Variants in NELL1 observed in about 807,000 individuals in gnomAD.
NELL1 encodes the protein protein kinase C-binding protein NELL1.
Under a neutral mutation model 107.4 loss-of-function variants are expected in NELL1, and 76 were observed. The ratio of observed to expected loss-of-function variants is 0.71; its 90% CI spans 0.59 to 0.86. The LOEUF (loss-of-function observed/expected upper bound fraction) is 0.86, where lower values mean the gene tolerates loss of function less well. Ranked by LOEUF, NELL1 falls within the 40% of genes least tolerant of loss-of-function variation. The pLI is 0.00. For missense variants in NELL1, 1,024 were observed against 1,005.5 expected (o/e 1.02, Z -0.25); for synonymous variants, 353 against 341.2 (o/e 1.03, Z -0.38).
intron 14 of NELL1, among the ~76,000 whole-genome samples, chr11:21,259,599 C>A (rs1858854325): frequency 6.6e-6 from 1 of 151,744 alleles, no homozygotes; most frequent in Non-Finnish European, 1.5e-5. Flanking sequence ...CCTTGAATGC[C>A]CTACTAAGAA....
intron 13 of NELL1, among the ~76,000 whole-genome samples, chr11:21,225,242 C>A (rs989182178): frequency 3.3e-5 from 5 of 152,100 alleles, no homozygotes; most frequent in Non-Finnish European, 7.4e-5. Flanking sequence ...GCTTCAGCAT[C>A]CTGGATCCAG....
chr11:21,352,928 C>T (rs931864434), intron 14 of NELL1, among the ~76,000 whole-genome samples: 1 of 152,098 alleles, frequency 6.6e-6, no homozygotes. Flanking sequence ...CTGTGCCTGT[C>T]CTTTCTTTGT....
At chr11:20,755,550 G>GTTTTTTTTT (rs1226891368) in intron 2 of NELL1, among the ~76,000 whole-genome samples, 106 of 114,514 alleles carry the variant, frequency 9.3e-4, no homozygotes, top group African/African-American at 4.6e-3. Flanking sequence ...GTTTTTTTTT[G>GTTTTTTTTT]TTTTTGTTTT....
intron 14 of NELL1, among the ~76,000 whole-genome samples, chr11:21,233,344 G>C (rs1351731624): frequency 6.6e-6 from 1 of 152,164 alleles, no homozygotes; most frequent in African/African-American, 2.4e-5. Context: ...AGTTGAATCT[G>C]ATTTAACTCA....
intron 3 of NELL1, among the ~76,000 whole-genome samples, chr11:20,823,105 C>G (rs1406155801): frequency 7.0e-6 from 1 of 142,528 alleles, no homozygotes; most frequent in Non-Finnish European, 1.6e-5. Flanking sequence ...CTGATAAAGG[C>G]ATACCTGAGA....
Position 21,063,735 on chromosome 11 carries a change from T to A in NELL1, c.1301-49854T>A, listed in dbSNP as rs1516751. Among the ~76,000 whole-genome samples, 1,336 of 152,194 alleles carry A rather than the reference T, an allele frequency of 8.8e-3. 19 individuals are homozygous for A. Among genetic ancestry groups the A allele is most frequent in the African/African-American group, 0.028 (1,157 of 41,536 alleles). On this transcript the variant is annotated intron_variant, in intron 12 of 19. Coordinates refer to ENST00000357134, the MANE Select transcript of NELL1 (RefSeq NM_006157.5). ...TTCACCATTTAACTAATGTTTATTG[T>A]GCCGCATTTTTCTAGACACTTCAGA...
At chr11:21,312,372 T>G (rs1465784085) in intron 14 of NELL1, among the ~76,000 whole-genome samples, 3 of 152,116 alleles carry the variant, frequency 2.0e-5, no homozygotes. Flanking sequence ...AGTTTTTTCT[T>G]TATTTTTGGA....
intron 12 of NELL1, among the ~76,000 whole-genome samples, chr11:21,109,163 G>A (rs989698651): frequency 6.6e-6 from 1 of 152,016 alleles, no homozygotes; most frequent in African/African-American, 2.4e-5. Flanking sequence ...ATAAATGGAA[G>A]GATGAGATGC....
At chr11:21,301,538 G>A (rs1020306418) in intron 14 of NELL1, among the ~76,000 whole-genome samples, 9 of 152,258 alleles carry the variant, frequency 5.9e-5, no homozygotes, top group African/African-American at 1.7e-4. Context: ...CTGCACAAAT[G>A]TCTTCTTTTG....
intron 4 of NELL1, among the ~76,000 whole-genome samples, chr11:20,858,663 C>T (rs901880795): frequency 6.6e-6 from 1 of 152,178 alleles, no homozygotes; most frequent in Admixed American, 6.5e-5. Flanking sequence ...AACAGAAAAC[C>T]TAATCTTATC....
intron 2 of NELL1, among the ~76,000 whole-genome samples, chr11:20,701,736 G>C (rs1434938902): frequency 6.6e-6 from 1 of 152,126 alleles, no homozygotes; most frequent in Non-Finnish European, 1.5e-5. Context: ...TGGCTAGCCA[G>C]TTTTCCCAGC....
At chr11:21,335,849 T>C (rs1850378052) in intron 14 of NELL1, among the ~76,000 whole-genome samples, 4 of 152,038 alleles carry the variant, frequency 2.6e-5, no homozygotes. Context: ...TCATCTCTGT[T>C]TGCATGTTCA....
chr11:21,322,643 TGTTG>T (rs1850039157), intron 14 of NELL1, among the ~76,000 whole-genome samples: 1 of 152,114 alleles, frequency 6.6e-6, no homozygotes, highest in Non-Finnish European at 1.5e-5. Flanking sequence ...TTTGTGCAAG[TGTTG>T]ACTGTGATCC....
intron 14 of NELL1, among the ~76,000 whole-genome samples, chr11:21,269,981 G>C (rs552827043): frequency 1.7e-4 from 26 of 151,862 alleles, no homozygotes; most frequent in Non-Finnish European, 3.2e-4. Flanking sequence ...ATTATCTAAG[G>C]GTATGCTGGG....
intron 4 of NELL1, among the ~76,000 whole-genome samples, chr11:20,864,565 C>G (rs1185662966): frequency 1.3e-5 from 2 of 152,212 alleles, no homozygotes; most frequent in African/African-American, 2.4e-5. Flanking sequence ...CAGAGTGCCT[C>G]CTGCCTCCAT....
At chr11:21,167,259 AG>A (rs953331241) in intron 13 of NELL1, among the ~76,000 whole-genome samples, 5 of 151,814 alleles carry the variant, frequency 3.3e-5, no homozygotes, top group Admixed American at 2.0e-4. Context: ...CATACTTTTC[AG>A]TTTTAGGTCC....
Position 21,180,309 on chromosome 11 carries a change from A to T in NELL1, c.1427-49023A>T, listed in dbSNP as rs186561532. On this transcript the variant is annotated intron_variant, in intron 13 of 19. Transcript: ENST00000357134. ...GATGCTTCCTTTTGGTGTGCAAATC[A>T]GCGGGTGTTAATTGGAAAACAAATT... 1.3e-3 allele frequency among the ~76,000 whole-genome samples: 201 copies of T among 151,970 alleles called. 1 individual carries two copies. In the Middle Eastern group the frequency reaches 0.017, roughly 13 times the overall value.
At chr11:21,355,896 G>C (rs556743642) in intron 14 of NELL1, among the ~76,000 whole-genome samples, 9 of 152,174 alleles carry the variant, frequency 5.9e-5, no homozygotes, top group African/African-American at 1.7e-4. Flanking sequence ...AAGTCACTAC[G>C]TGATCTGCAC....
At chr11:21,431,464 C>G (rs927198346) in intron 15 of NELL1, among the ~76,000 whole-genome samples, 2 of 152,082 alleles carry the variant, frequency 1.3e-5, no homozygotes, top group Non-Finnish European at 2.9e-5. Context: ...ATGTCTAGCA[C>G]TTTGTAGGAG....
Sources: gnomAD v4.1 joint callset for allele counts (sites outside exome capture counted in the v4.1 genomes callset) on GRCh38, gnomAD v4.1.1 for gene constraint, MANE v1.5 for transcripts, NCBI Gene and HGNC (gene_info 2026-07-23, HGNC 2026-07-21) for gene names.